SLC12A6: variants seen among roughly 807,000 people sequenced by gnomAD.
SLC12A6 encodes solute carrier family 12 member 6.
In SLC12A6, 66 loss-of-function variants were observed where a neutral mutation model predicts 135.3. That is an observed-to-expected ratio of 0.49 (90% confidence interval 0.40 to 0.60). The LOEUF is 0.60. Ranked by LOEUF, SLC12A6 falls within the 20% of genes least tolerant of loss-of-function variation. SLC12A6 has a pLI of 0.00. For missense variants in SLC12A6, 1,058 were observed against 1,452.3 expected, an observed-to-expected ratio of 0.73 and a Z score of 4.41; for synonymous variants, 513 against 508.8, an observed-to-expected ratio of 1.01 and a Z score of -0.11.
Position 34,254,412 on chromosome 15 carries a change from T to C in SLC12A6, c.1054A>G (p.Ile352Val). 1 of 1,613,398 alleles carries C rather than the reference T, an allele frequency of 6.2e-7. No homozygotes were observed. Among genetic ancestry groups the C allele is most frequent in the African/African-American group, 1.3e-5 (1 of 74,978 alleles). ...GCATAGATGGCCAAGATGGACACAATGACACAGGCCAGGAAAAGTGAGGCA... is the reference window on the plus strand; with the variant it reads ...GCATAGATGGCCAAGATGGACACAACGACACAGGCCAGGAAAAGTGAGGCA... ...KFASLFLACV[I>V]VSILAIYAGA... The change falls in exon 9 of 26, where the codon ATT becomes GTT. Residue 352 changes from isoleucine to valine, a missense_variant. Ile to Val is a conservative substitution (Grantham distance 29). Around this residue, in one of 6 missense-constraint regions of SLC12A6, gnomAD observed 297 missense variants for 318.5 expected, o/e 0.93. Transcript: ENST00000354181.
intron 2 of SLC12A6, among the ~76,000 whole-genome samples, chr15:34,304,585 T>C (rs1284567607): frequency 6.6e-6 from 1 of 152,190 alleles, no homozygotes; most frequent in Non-Finnish European, 1.5e-5. Flanking sequence ...TCCCAGTGAG[T>C]GTGAAAAAAC....
intron 5 of SLC12A6, 81 bp downstream of exon 5, chr15:34,258,732 A>C: frequency 8.3e-7 from 1 of 1,200,434 alleles, no homozygotes; most frequent in South Asian, 1.2e-5. Context: ...GCTGCTGAAC[A>C]CAGAATGGTG....
At chr15:34,305,911 C>T (rs1280055953) in intron 2 of SLC12A6, among the ~76,000 whole-genome samples, 3 of 152,076 alleles carry the variant, frequency 2.0e-5, no homozygotes, top group Non-Finnish European at 4.4e-5. Context: ...GCGCCCACCA[C>T]CGCGCCCGGC....
chr15:34,325,872 T>C (rs149673380), intron 2 of SLC12A6, among the ~76,000 whole-genome samples: 1,800 of 152,288 alleles, frequency 0.012, 14 homozygotes, highest in Middle Eastern at 0.037. Context: ...AAATTAACTA[T>C]AGACTCAAAG....
intron 2 of SLC12A6, among the ~76,000 whole-genome samples, chr15:34,310,733 C>T (rs1416093346): frequency 1.4e-5 from 1 of 71,578 alleles, no homozygotes; most frequent in African/African-American, 6.1e-5. Flanking sequence ...GTGTGTGTGT[C>T]CCCGTGTCCA....
chr15:34,230,058 CA>C lies in SLC12A6; in HGVS notation c.*3822del. ...ACAGAGCAAAACAACAACAAAAAAA[CA>C]TAACTATGTAAACAAGAGAATAACT... On this transcript the variant is annotated 3_prime_UTR_variant, in exon 26 of 26. Coordinates refer to ENST00000354181, the MANE Select transcript of SLC12A6 (RefSeq NM_001365088.1). The C allele has an allele frequency of 2.3e-6, 1 of 442,148 alleles. No individual in the cohort carries two copies. The highest frequency in any genetic ancestry group is 2.0e-5 in the African/African-American group (1 of 49,124). The allele number at this position is 442,148 out of a possible 1,614,324, so 27.4% of individuals were successfully genotyped here.
chr15:34,321,776 G>A (rs1304127075), intron 2 of SLC12A6, among the ~76,000 whole-genome samples: 1 of 152,144 alleles, frequency 6.6e-6, no homozygotes, highest in Admixed American at 6.5e-5. Flanking sequence ...TTACTATTCA[G>A]CAATAAAAAG....
rs1339260743 is a variant in SLC12A6, at chr15:34,258,843, G to A, written c.513C>T (p.Asn171=). 1.9e-6 allele frequency: 3 copies of A among 1,613,464 alleles called. No homozygotes were observed. The highest frequency in any genetic ancestry group is 1.6e-4 in the Middle Eastern group (1 of 6,084). The change falls in exon 5 of 26, where the codon AAC becomes AAT. Residue 171 remains asparagine (N), a synonymous_variant. Transcript: ENST00000354181. Reference sequence around the variant, plus strand: ...TGGGCTTCTTTTTCCCTTCAGTGATGTTTTCTGCCTCTTCATGTTCCTTTG... The same window carrying A: ...TGGGCTTCTTTTTCCCTTCAGTGATATTTTCTGCCTCTTCATGTTCCTTTG... The part of the protein sequence containing the change: ...QGAKEHEEAE[N]ITEGKKKPTK...
intron 2 of SLC12A6, among the ~76,000 whole-genome samples, chr15:34,324,682 ATT>A (rs1038844464): frequency 6.6e-6 from 1 of 152,134 alleles, no homozygotes; most frequent in Non-Finnish European, 1.5e-5. Flanking sequence ...GTGGGAAATT[ATT>A]TTCAATATAA....
intron 2 of SLC12A6, chr15:34,318,826 CACGTG>C: frequency 6.6e-7 from 1 of 1,519,938 alleles, no homozygotes; most frequent in Admixed American, 2.0e-5. Context: ...ACTTTAAGCT[CACGTG>C]ACCTACAGCC....
chr15:34,237,277 G>GT (rs1319499572), intron 22 of SLC12A6, 142 bp downstream of exon 22: 780 of 584,622 alleles, frequency 1.3e-3, no homozygotes, highest in African/African-American at 1.6e-3. Flanking sequence ...ACAAATTAGG[G>GT]TTTTTTTTTG....
intron 2 of SLC12A6, among the ~76,000 whole-genome samples, chr15:34,283,500 C>G (rs973041767): frequency 1.3e-4 from 20 of 152,078 alleles, no homozygotes; most frequent in South Asian, 2.1e-4. Context: ...GTGAGACTTG[C>G]ATGAAAAGGA....
At chr15:34,318,361 T>C (rs1020811109) in intron 2 of SLC12A6, among the ~76,000 whole-genome samples, 1 of 152,180 alleles carries the variant, frequency 6.6e-6, no homozygotes, top group African/African-American at 2.4e-5. Flanking sequence ...CAGAACTCAT[T>C]GTGGGGAAAA....
At chr15:34,280,025 G>C (rs1275500958) in intron 2 of SLC12A6, among the ~76,000 whole-genome samples, 2 of 152,226 alleles carry the variant, frequency 1.3e-5, no homozygotes, top group African/African-American at 4.8e-5. Flanking sequence ...GAGACAGAGT[G>C]AAATGATTGT....
chr15:34,331,552 TC>T (rs1384174513), intron 2 of SLC12A6, among the ~76,000 whole-genome samples: 1 of 152,220 alleles, frequency 6.6e-6, no homozygotes, highest in African/African-American at 2.4e-5. Flanking sequence ...TTTTAATTTG[TC>T]TCTTGTTTTT....
At chr15:34,250,506 T>C (rs1218218401) in intron 12 of SLC12A6, 125 bp downstream of exon 12, 1 of 828,020 alleles carries the variant, frequency 1.2e-6, no homozygotes, top group Admixed American at 1.8e-5. Context: ...GGTAGGCAGA[T>C]AATCTGGCAA....
At chr15:34,327,046 A>G (rs1889516903) in intron 2 of SLC12A6, among the ~76,000 whole-genome samples, 1 of 151,906 alleles carries the variant, frequency 6.6e-6, no homozygotes, top group African/African-American at 2.4e-5. Flanking sequence ...ATTATTCTTC[A>G]ACTTATTATT....
chr15:34,322,161 G>A (rs372333582), intron 2 of SLC12A6, among the ~76,000 whole-genome samples: 2 of 151,988 alleles, frequency 1.3e-5, no homozygotes, highest in East Asian at 1.9e-4. Context: ...TGAGGTGGAC[G>A]GATCACCCGA....
At chr15:34,323,021 T>C (rs374742672) in intron 2 of SLC12A6, among the ~76,000 whole-genome samples, 1 of 81,234 alleles carries the variant, frequency 1.2e-5, no homozygotes, top group Non-Finnish European at 2.6e-5. Flanking sequence ...AAGAAAAAAA[T>C]AAAAGAAAAT....
Sources: gnomAD v4.1 joint callset for allele counts (sites outside exome capture counted in the v4.1 genomes callset) on GRCh38, gnomAD v4.1.1 for gene constraint, gnomAD v4.1.1 regional missense constraint, MANE v1.5 for transcripts, NCBI Gene and HGNC (gene_info 2026-07-23, HGNC 2026-07-21) for gene names.